The following CLSTN2 variants were observed in gnomAD, a reference collection of about 807,000 sequenced individuals.
CLSTN2 encodes calsyntenin 2.
A neutral mutation model predicts 101.2 loss-of-function variants in CLSTN2; 48 were observed. That is an observed-to-expected ratio of 0.47 (90% CI 0.38 to 0.60). The LOEUF is 0.60. Among genes scored for constraint, CLSTN2 ranks in the 20% least tolerant of loss-of-function variants. CLSTN2 has a pLI of 0.00. For missense variants in CLSTN2, 1,160 were observed against 1,238.2 expected, an observed-to-expected ratio of 0.94 and a Z score of 0.95; for synonymous variants, 481 against 463.6, an observed-to-expected ratio of 1.04 and a Z score of -0.48.
At chr3:140,273,107 C>T (rs1271842496) in intron 2 of CLSTN2, among the ~76,000 whole-genome samples, 1 of 152,066 alleles carries the variant, frequency 6.6e-6, no homozygotes, top group Admixed American at 6.5e-5. Context: ...TGAAGTCAGA[C>T]TCACCCTAGG....
chr3:140,561,572 G>A (rs1450062443), intron 12 of CLSTN2, among the ~76,000 whole-genome samples: 3 of 152,162 alleles, frequency 2.0e-5, no homozygotes, highest in Non-Finnish European at 4.4e-5. Flanking sequence ...CTCCATTTGA[G>A]CAAGGTTTAT....
chr3:140,422,534 C>T (rs1199154384), intron 5 of CLSTN2, among the ~76,000 whole-genome samples: 1 of 152,170 alleles, frequency 6.6e-6, no homozygotes, highest in Non-Finnish European at 1.5e-5. Context: ...GGTAATTTAA[C>T]CCACCTCTGG....
chr3:140,517,789 T>C (rs374045636), intron 8 of CLSTN2, among the ~76,000 whole-genome samples: 57 of 152,258 alleles, frequency 3.7e-4, no homozygotes, highest in African/African-American at 1.3e-3. Context: ...AATTTTGTGT[T>C]GGTTGACTTC....
rs2010534069 is a variant in CLSTN2, at chr3:140,189,782, C to T, written c.232+13709C>T. 2.0e-5 allele frequency among the ~76,000 whole-genome samples: 3 copies of T among 152,044 alleles called. No homozygotes were observed. In the South Asian group the frequency reaches 6.2e-4, roughly 32 times the overall value. On this transcript the variant is annotated intron_variant, in intron 2 of 16. Transcript: ENST00000458420. ...ATTTTTTGCCTATGGATATCTAATT[C>T]CTCCCTCATCCATTTGTTTAAAAGT...
intron 2 of CLSTN2, among the ~76,000 whole-genome samples, chr3:140,211,110 T>C (rs1433392756): frequency 6.6e-6 from 1 of 151,908 alleles, no homozygotes; most frequent in Non-Finnish European, 1.5e-5. Context: ...AGGGTCAATA[T>C]GGTGAAATGG....
intron 1 of CLSTN2, among the ~76,000 whole-genome samples, chr3:140,121,488 A>G (rs1438896375): frequency 6.6e-6 from 1 of 152,216 alleles, no homozygotes; most frequent in Non-Finnish European, 1.5e-5. Context: ...AACACATAGT[A>G]GGGACTCAAC....
intron 2 of CLSTN2, among the ~76,000 whole-genome samples, chr3:140,203,450 A>G (rs2010742756): frequency 1.4e-5 from 2 of 138,966 alleles, no homozygotes; most frequent in South Asian, 2.5e-4. Flanking sequence ...AGGGGTTAAG[A>G]GAAAGTGTGG....
chr3:140,276,456 T>A (rs868806120), intron 2 of CLSTN2, among the ~76,000 whole-genome samples: 6 of 152,176 alleles, frequency 3.9e-5, no homozygotes, highest in African/African-American at 1.4e-4. Flanking sequence ...GCAGCCACCA[T>A]GTGGCCAAGT....
chr3:140,261,576 A>G (rs2086654473), intron 2 of CLSTN2, among the ~76,000 whole-genome samples: 1 of 151,164 alleles, frequency 6.6e-6, no homozygotes, highest in Non-Finnish European at 1.5e-5. Context: ...ATTAGAAACC[A>G]AGAGCTGGGT....
At chr3:139,969,360 C>A (rs1935655804) in intron 1 of CLSTN2, among the ~76,000 whole-genome samples, 1 of 152,146 alleles carries the variant, frequency 6.6e-6, no homozygotes, top group Non-Finnish European at 1.5e-5. Context: ...GCATCCTTCC[C>A]CTAGTTATCT....
chr3:140,060,244 G>A (rs1010338914), intron 1 of CLSTN2, among the ~76,000 whole-genome samples: 1 of 152,160 alleles, frequency 6.6e-6, no homozygotes, highest in African/African-American at 2.4e-5. Context: ...TGAAAGACTG[G>A]TTCTCCAGAT....
chr3:140,100,915 C>G (rs753680723), intron 1 of CLSTN2, among the ~76,000 whole-genome samples: 52 of 152,152 alleles, frequency 3.4e-4, no homozygotes, highest in Non-Finnish European at 6.2e-4. Flanking sequence ...GAGAAGAAGT[C>G]AAGCCTGCCT....
At chr3:140,080,788 T>TG (rs1253537119) in intron 1 of CLSTN2, among the ~76,000 whole-genome samples, 3 of 152,190 alleles carry the variant, frequency 2.0e-5, no homozygotes, top group Non-Finnish European at 4.4e-5. Context: ...GCTGGAGCTC[T>TG]GTTAGCCCAC....
At chr3:140,066,388 C>G (rs2882425) in intron 1 of CLSTN2, among the ~76,000 whole-genome samples, 16,200 of 152,236 alleles carry the variant, frequency 0.11, 1,524 homozygotes, top group African/African-American at 0.25. Context: ...CTATTTATAG[C>G]TGCCAAACCC....
intron 1 of CLSTN2, among the ~76,000 whole-genome samples, chr3:140,138,177 G>A (rs2009643604): frequency 1.3e-5 from 2 of 152,170 alleles, no homozygotes; most frequent in Admixed American, 1.3e-4. Flanking sequence ...AGTTTGAGCT[G>A]TGAATATTAA....
rs374552654 is a variant in CLSTN2 at position 140,329,636 on chromosome 3, C to A, written c.233-73993C>A. On this transcript the variant is annotated intron_variant, in intron 2 of 16. Coordinates refer to ENST00000458420, the MANE Select transcript of CLSTN2 (RefSeq NM_022131.3). ...TCCTAACTTTATAAAAAATCAAACT[C>A]TTTTCTTTGATTTTATAGGCATAAG... Among the ~76,000 whole-genome samples, 27 of 152,188 alleles carry A rather than the reference C, an allele frequency of 1.8e-4. 1 individual carries two copies. In the South Asian group the frequency reaches 5.4e-3, roughly 30 times the overall value.
rs1935953823 is a variant in CLSTN2, at chr3:140,563,211, G to A, written c.2482+8G>A. The A allele has an allele frequency of 6.2e-7, 1 of 1,613,128 alleles. No homozygotes were observed. Among genetic ancestry groups the A allele is most frequent in the South Asian group, 1.1e-5 (1 of 90,970 alleles). ...GCATCCAGCACAGTTCAGGTAGGGT[G>A]CCCAAGAGGAGGGACCCTCAGGACA... On this transcript the variant is annotated splice_region_variant and intron_variant, in intron 15 of 16. Coordinates refer to ENST00000458420, the MANE Select transcript of CLSTN2 (RefSeq NM_022131.3).
intron 10 of CLSTN2, among the ~76,000 whole-genome samples, chr3:140,554,239 G>T (rs960368152): frequency 2.0e-5 from 3 of 152,184 alleles, no homozygotes; most frequent in African/African-American, 7.2e-5. Context: ...TGAGCTATCA[G>T]TTGGCTAGGG....
intron 2 of CLSTN2, among the ~76,000 whole-genome samples, chr3:140,394,631 C>CTT (rs35294504): frequency 6.6e-6 from 1 of 151,924 alleles, no homozygotes; most frequent in Non-Finnish European, 1.5e-5. Context: ...TTGCACTTAA[C>CTT]TTTTTGTCCA....
Sources: allele counts gnomAD v4.1 joint callset (sites outside exome capture counted in the v4.1 genomes callset), GRCh38; gene constraint gnomAD v4.1.1; transcripts MANE v1.5; gene names NCBI Gene and HGNC (gene_info 2026-07-23, HGNC 2026-07-21).